PI4KA: variants seen among roughly 807,000 people sequenced by gnomAD.
PI4KA encodes PI4-kinase alpha.
In PI4KA, 122 loss-of-function variants were observed where a neutral mutation model predicts 271.4. The observed-to-expected ratio is 0.45, with a 90% CI of 0.39 to 0.52. The LOEUF (loss-of-function observed/expected upper bound fraction) is 0.52. Ranked by LOEUF, PI4KA falls within the 20% of genes least tolerant of loss-of-function variation. PI4KA has a pLI of 0.00. For synonymous variants in PI4KA, 1,041 were observed against 1,078.8 expected (o/e 0.96, Z 0.69); for missense variants, 1,969 against 2,769.1 (o/e 0.71, Z 6.48).
Position 20,843,510 on chromosome 22 carries a change from A to G in PI4KA, c.157-4779T>C, listed in dbSNP as rs147027723. Among the ~76,000 whole-genome samples the G allele has an allele frequency of 4.2e-3, 643 of 152,336 alleles. 1 individual carries two copies. Among genetic ancestry groups the G allele is most frequent in the Non-Finnish European group, 6.1e-3 (415 of 68,036 alleles). ...AGCAAGACCCTATCTCCAAACAAAA[A>G]AAGAAAAAGAAAAGAAATACAGAAT... On this transcript the variant is annotated intron_variant, in intron 1 of 54. Transcript: ENST00000255882.
chr22:20,745,835 A>C (rs1929991901), intron 29 of PI4KA, among the ~76,000 whole-genome samples: 1 of 151,946 alleles, frequency 6.6e-6, no homozygotes, highest in African/African-American at 2.4e-5. Context: ...TGGCATGGCA[A>C]ACAGCACCTG....
At chr22:20,820,913 T>C (rs1271541053) in intron 4 of PI4KA, among the ~76,000 whole-genome samples, 3 of 152,254 alleles carry the variant, frequency 2.0e-5, no homozygotes, top group Non-Finnish European at 4.4e-5. Context: ...AAACAGGTGA[T>C]GGGTCCCCAA....
rs145231355 is a variant in PI4KA at position 20,780,257 on chromosome 22, G to A, written c.2328+12936C>T. 650 of 1,612,172 alleles carry A rather than the reference G, an allele frequency of 4.0e-4. 1 individual carries two copies. In the African/African-American group the frequency reaches 8.0e-3, roughly 20 times the overall value. ...AACCCACAACATACTATTTTTGTAT[G>A]TGGGTAGATTGAATGCCAAGAACTG... On this transcript the variant is annotated intron_variant, in intron 19 of 54. Transcript: ENST00000255882.
rs575584182 is a variant in PI4KA, at chr22:20,810,653, AC to A, written c.1071+313del. Among the ~76,000 whole-genome samples the A allele has an allele frequency of 7.9e-5, 12 of 152,162 alleles. 1 individual carries two copies. The East Asian group carries it at 2.3e-3, about 29-fold the overall frequency. On this transcript the variant is annotated intron_variant, in intron 9 of 54. Coordinates refer to ENST00000255882, the MANE Select transcript of PI4KA (RefSeq NM_058004.4). ...TGAGGAAGATAAAAGAGTAGGAGAG[AC>A]CCAGGCCAGACTCCCAGCTCCCACA...
chr22:20,847,177 GGATGCTGGGCTTAATACACAGGT>G (rs1185919083), intron 1 of PI4KA, among the ~76,000 whole-genome samples: 124 of 151,322 alleles, frequency 8.2e-4, no homozygotes, highest in African/African-American at 2.8e-3. Flanking sequence ...AATAGCTAAT[GGATGCTGGGCTTAATACACAGGT>G]GATGAGAAGA....
intron 41 of PI4KA, 101 bp downstream of exon 41, chr22:20,727,129 G>T: frequency 9.5e-7 from 1 of 1,049,496 alleles, no homozygotes; most frequent in South Asian, 1.5e-5. Flanking sequence ...AGTATGTAAC[G>T]GGGCGACCTC....
chr22:20,858,797 G>T lies in PI4KA; in HGVS notation c.-72C>A, dbSNP rs16986631. 489 of 1,364,086 alleles carry T rather than the reference G, an allele frequency of 3.6e-4. 1 individual carries two copies. The East Asian group carries it at 0.016, about 44-fold the overall frequency. 84.5% of individuals were successfully genotyped at this position (1,364,086 alleles called of 1,614,324 possible). A position where few individuals can be genotyped will look rare whatever the true frequency, so the allele number is the denominator to read the frequency against. ...CGCGAGCGCCCGACCTCAGGGCGCA[G>T]GCGTAGGTGCATCCGGCTTTCCCGC... is the stretch of plus-strand genomic sequence containing the variant. On this transcript the variant is annotated 5_prime_UTR_variant, in exon 1 of 55. It adds an upstream start codon to the 5' untranslated region. Transcript: ENST00000255882.
chr22:20,713,559 G>C (rs1925607183), intron 47 of PI4KA, among the ~76,000 whole-genome samples, 169 bp from the exon 48 acceptor site: 1 of 152,236 alleles, frequency 6.6e-6, no homozygotes, highest in Admixed American at 6.5e-5. Flanking sequence ...CCCAAGGAAA[G>C]CCTTGGAACA....
chr22:20,818,348 T>A (rs1376074682), intron 7 of PI4KA, 135 bp downstream of exon 7: 1 of 542,460 alleles, frequency 1.8e-6, no homozygotes. Context: ...AAATAAATGC[T>A]TCCTAAAAGC....
chr22:20,797,872 C>T (rs530525842), intron 17 of PI4KA, among the ~76,000 whole-genome samples: 1 of 152,162 alleles, frequency 6.6e-6, no homozygotes, highest in Admixed American at 6.5e-5. Flanking sequence ...AAGGGGCTCT[C>T]TTCTTCCCTC....
At chr22:20,724,465 G>A (rs907442753) in intron 42 of PI4KA, among the ~76,000 whole-genome samples, 11 of 150,290 alleles carry the variant, frequency 7.3e-5, no homozygotes, top group East Asian at 5.9e-4. Context: ...AAAATAAGCC[G>A]GGCGTGGTGG....
chr22:20,858,690 T>A lies in PI4KA; in HGVS notation c.36A>T (p.Gly12=), dbSNP rs1054987981. The A allele has an allele frequency of 6.8e-7, 1 of 1,467,178 alleles. No homozygotes were observed. Among genetic ancestry groups the A allele is most frequent in the South Asian group, 1.3e-5 (1 of 76,930 alleles). The allele number at this position is 1,467,178 out of a possible 1,614,324, so 90.9% of individuals were successfully genotyped here. A position where few individuals can be genotyped will look rare whatever the true frequency, so the allele number is the denominator to read the frequency against. ...AAAPARGGGG[G]GGGGGGCSGS... ...CGGAGCAGCCGCCGCCGCCTCCGCC[T>A]CCGCCTCCGCCTCCCCGGGCCGGGG... Residue 12 remains glycine (G), a synonymous_variant, in exon 1 of 55, where the codon GGA becomes GGT. Transcript: ENST00000255882.
At chr22:20,779,383 CGCTGG>C (rs1933562639) in intron 19 of PI4KA, 2 of 1,614,100 alleles carry the variant, frequency 1.2e-6, no homozygotes, top group Non-Finnish European at 1.7e-6. Flanking sequence ...AGCAAAGGCC[CGCTGG>C]ATCAGCTAGA....
In PI4KA at chr22:20,726,484, T is replaced by C. The variant is rs769214064; in HGVS notation, c.4995+4A>G. 3 of 1,560,290 alleles carry C rather than the reference T, an allele frequency of 1.9e-6. No homozygotes were observed. Among genetic ancestry groups the C allele is most frequent in the African/African-American group, 2.8e-5 (2 of 71,158 alleles). ...AGAGGACGGCCATGCAGGTGCAGGC[T>C]TACCTTGTCGTACCTGAGGGCCTGC... On this transcript the variant is annotated splice_donor_region_variant and intron_variant, in intron 42 of 54. Transcript: ENST00000255882.
At chr22:20,785,138 T>C (rs1281271355) in intron 19 of PI4KA, among the ~76,000 whole-genome samples, 1 of 151,158 alleles carries the variant, frequency 6.6e-6, no homozygotes, top group Non-Finnish European at 1.5e-5. Context: ...GGCATCATCA[T>C]GGCTCACTGC....
chr22:20,780,896 C>T (rs192342251), intron 19 of PI4KA, among the ~76,000 whole-genome samples: 60 of 151,510 alleles, frequency 4.0e-4, no homozygotes, highest in African/African-American at 1.4e-3. Context: ...AGAAATAATA[C>T]AAAAACTGTT....
At chr22:20,743,055 C>T (rs1929651613) in intron 30 of PI4KA, 3 of 441,302 alleles carry the variant, frequency 6.8e-6, no homozygotes, top group South Asian at 6.6e-5. Context: ...GCAGTGAGCC[C>T]GGGGTCTGAC....
intron 54 of PI4KA, among the ~76,000 whole-genome samples, chr22:20,708,622 CCCT>C (rs1446356849): frequency 2.0e-5 from 2 of 101,756 alleles, no homozygotes; most frequent in African/African-American, 1.2e-4. Flanking sequence ...ACACCTGGGC[CCCT>C]CCTCCTAGTC....
In PI4KA at chr22:20,748,437, G is replaced by A. The variant is rs376332115; in HGVS notation, c.3244-735C>T. 2.6e-4 allele frequency among the ~76,000 whole-genome samples: 39 copies of A among 152,348 alleles called. No individual in the cohort carries two copies. The South Asian group carries it at 2.9e-3, about 11-fold the overall frequency. Reference sequence around the variant, plus strand: ...TGTGGGTGAACTGGACAGCAGGAACGAAGAACAACACCTGTGTCCACCTGG... The same window carrying A: ...TGTGGGTGAACTGGACAGCAGGAACAAAGAACAACACCTGTGTCCACCTGG... On this transcript the variant is annotated intron_variant, in intron 28 of 54. Coordinates refer to ENST00000255882, the MANE Select transcript of PI4KA (RefSeq NM_058004.4).
Sources: gnomAD v4.1 joint callset for allele counts (sites outside exome capture counted in the v4.1 genomes callset) on GRCh38, gnomAD v4.1.1 for gene constraint, MANE v1.5 for transcripts, NCBI Gene and HGNC (gene_info 2026-07-23, HGNC 2026-07-21) for gene names.